The following ZMYM4 variants were observed in gnomAD, a reference collection of about 807,000 sequenced individuals.
ZMYM4 encodes the protein zinc finger MYM-type protein 4.
Under a neutral mutation model 183.2 loss-of-function variants are expected in ZMYM4, and 31 were observed. The ratio of observed to expected loss-of-function variants is 0.17; its 90% CI spans 0.13 to 0.23. ZMYM4 has a LOEUF of 0.23. Ranked by LOEUF, ZMYM4 falls within the 10% of genes least tolerant of loss-of-function variation. The pLI, the probability that ZMYM4 is intolerant of heterozygous loss-of-function variation, is 1.00. For synonymous variants in ZMYM4, 592 were observed against 631.2 expected (o/e 0.94, Z 0.93); for missense variants, 1,273 against 1,840.3 (o/e 0.69, Z 5.64).
At chr1:35,275,737 T>G (rs1403106029) in intron 1 of ZMYM4, among the ~76,000 whole-genome samples, 1 of 152,190 alleles carries the variant, frequency 6.6e-6, no homozygotes, top group Non-Finnish European at 1.5e-5. Flanking sequence ...ATTGTATAAA[T>G]GTACTGTATT....
rs755582739 is a variant in ZMYM4 at position 35,387,274 on chromosome 1, A to G, written c.2108A>G (p.Tyr703Cys). ...GCCACAAAACCAGAACTTCTTGACTATAAGGTAAAGTATAGCATGTTCATG... is the reference window on the plus strand; with the variant it reads ...GCCACAAAACCAGAACTTCTTGACTGTAAGGTAAAGTATAGCATGTTCATG... ...LFATKPELLD[Y>C]KGKMFQFCGK... The change falls in exon 12 of 30, where the codon TAT becomes TGT. Residue 703 changes from tyrosine (Y) to cysteine (C), a missense_variant. Transcript: ENST00000314607. 1.9e-6 allele frequency: 3 copies of G among 1,613,876 alleles called. No individual in the cohort carries two copies. Among genetic ancestry groups the G allele is most frequent in the South Asian group, 2.2e-5 (2 of 91,054 alleles).
chr1:35,372,677 A>G (rs1218302652), intron 7 of ZMYM4, among the ~76,000 whole-genome samples: 1 of 152,036 alleles, frequency 6.6e-6, no homozygotes, highest in African/African-American at 2.4e-5. Flanking sequence ...CAGATTTTGG[A>G]TTTTTAAAAA....
At position 35,356,238 on chromosome 1, in the gene ZMYM4, A is replaced by C. The variant is rs555649036; in HGVS notation, c.86-2687A>C. Reference sequence around the variant, plus strand: ...AAATGAACCAACTAACTAAATAAATAAGTAAATGTAGTGATATGGAAAGTT... The same window carrying C: ...AAATGAACCAACTAACTAAATAAATCAGTAAATGTAGTGATATGGAAAGTT... On this transcript the variant is annotated intron_variant, in intron 2 of 29. Transcript: ENST00000314607. Among the ~76,000 whole-genome samples, 176 of 152,296 alleles carry C rather than the reference A, an allele frequency of 1.2e-3. 1 individual carries two copies. Among genetic ancestry groups the C allele is most frequent in the African/African-American group, 4.1e-3 (170 of 41,560 alleles).
chr1:35,338,797 A>T (rs946370395), intron 2 of ZMYM4, among the ~76,000 whole-genome samples: 8 of 152,196 alleles, frequency 5.3e-5, no homozygotes, highest in Admixed American at 5.2e-4. Flanking sequence ...TCTATTACCC[A>T]CTTGCTATTA....
intron 1 of ZMYM4, among the ~76,000 whole-genome samples, chr1:35,278,525 A>C (rs1639986126): frequency 6.6e-6 from 1 of 151,360 alleles, no homozygotes; most frequent in Non-Finnish European, 1.5e-5. Flanking sequence ...TCCTGGGTTC[A>C]AGCCATTTTC....
intron 5 of ZMYM4, 49 bp from the exon 6 acceptor site, chr1:35,369,980 G>A (rs753959516): frequency 5.2e-6 from 7 of 1,356,514 alleles, no homozygotes; most frequent in Non-Finnish European, 7.2e-6. Flanking sequence ...ATGTCTTTAG[G>A]TATTTATTCT....
intron 2 of ZMYM4, among the ~76,000 whole-genome samples, chr1:35,332,946 AT>A (rs1642817790): frequency 6.6e-6 from 1 of 152,074 alleles, no homozygotes; most frequent in African/African-American, 2.4e-5. Flanking sequence ...TTCAAAAGTT[AT>A]TTGGCATCCC....
chr1:35,385,922 G>A, intron 10 of ZMYM4, 152 bp from the exon 11 acceptor site: 1 of 543,850 alleles, frequency 1.8e-6, no homozygotes, highest in Non-Finnish European at 3.1e-6. Flanking sequence ...TATTATGTTA[G>A]TTTTTGTCTA....
chr1:35,283,932 C>T (rs1345744471), intron 1 of ZMYM4, among the ~76,000 whole-genome samples: 1 of 151,612 alleles, frequency 6.6e-6, no homozygotes, highest in African/African-American at 2.4e-5. Flanking sequence ...TCTTTTCACC[C>T]TCACGATAGT....
At chr1:35,392,529 T>C in intron 16 of ZMYM4, 118 bp from the exon 17 acceptor site, 1 of 1,296,278 alleles carries the variant, frequency 7.7e-7, no homozygotes, top group South Asian at 1.3e-5. Context: ...TTCCGTTGAA[T>C]TAAAAAAACA....
rs189351345 is a variant in ZMYM4 at position 35,277,376 on chromosome 1, G to A, written c.39+8291G>A. Among the ~76,000 whole-genome samples the A allele has an allele frequency of 2.0e-3, 301 of 152,212 alleles. 3 individuals carry two copies. Among genetic ancestry groups the A allele is most frequent in the African/African-American group, 6.7e-3 (279 of 41,540 alleles). Reference sequence around the variant, plus strand: ...ATCAGACAATTTTGAGAATGAAAGGGGGTGCTATAATGATTACACAGAAGG... The same window carrying A: ...ATCAGACAATTTTGAGAATGAAAGGAGGTGCTATAATGATTACACAGAAGG... On this transcript the variant is annotated intron_variant, in intron 1 of 29. Coordinates refer to ENST00000314607, the MANE Select transcript of ZMYM4 (RefSeq NM_005095.3).
intron 2 of ZMYM4, among the ~76,000 whole-genome samples, chr1:35,353,427 T>C (rs1558061764): frequency 6.6e-6 from 1 of 152,228 alleles, no homozygotes; most frequent in Non-Finnish European, 1.5e-5. Context: ...CTTACATACA[T>C]TGCAGTTTTT....
intron 2 of ZMYM4, among the ~76,000 whole-genome samples, chr1:35,355,523 T>C (rs1013888208): frequency 2.6e-5 from 4 of 152,192 alleles, no homozygotes; most frequent in Admixed American, 2.6e-4. Context: ...GTATCTTTAC[T>C]GAACTATAGG....
intron 26 of ZMYM4, among the ~76,000 whole-genome samples, chr1:35,412,322 CTA>C (rs1307686208): frequency 6.6e-6 from 1 of 152,016 alleles, no homozygotes; most frequent in African/African-American, 2.4e-5. Flanking sequence ...CTAAGATTTT[CTA>C]TATATAGGAT....
At chr1:35,370,760 A>G (rs1454928827) in intron 7 of ZMYM4, 133 bp downstream of exon 7, 2 of 949,376 alleles carry the variant, frequency 2.1e-6, no homozygotes, top group African/African-American at 5.4e-5. Context: ...GAGAAATACC[A>G]CATTATTTTC....
chr1:35,364,665 A>G (rs969472539), intron 5 of ZMYM4, among the ~76,000 whole-genome samples: 7 of 152,216 alleles, frequency 4.6e-5, no homozygotes, highest in Non-Finnish European at 7.4e-5. Context: ...GTCAGTGTTT[A>G]CTTTTGACCA....
intron 19 of ZMYM4, chr1:35,397,011 A>C: frequency 1.1e-6 from 1 of 902,600 alleles, no homozygotes; most frequent in African/African-American, 1.8e-5. Flanking sequence ...TTTTTGATTA[A>C]AGAAAAATGT....
At chr1:35,301,562 A>G (rs185682108) in intron 1 of ZMYM4, among the ~76,000 whole-genome samples, 19 of 150,880 alleles carry the variant, frequency 1.3e-4, no homozygotes, top group East Asian at 5.8e-4. Flanking sequence ...AAAAAAAAAA[A>G]GTCTTGTCTT....
At position 35,370,574 on chromosome 1, in the gene ZMYM4, A is replaced by T. The variant is rs1181161072; in HGVS notation, c.1128A>T (p.Pro376=). 9 of 1,612,696 alleles carry T rather than the reference A, an allele frequency of 5.6e-6. No individual in the cohort carries two copies. The highest frequency in any genetic ancestry group is 6.8e-6 in the Non-Finnish European group (8 of 1,179,302). The change falls in exon 7 of 30, where the codon CCA becomes CCT. Residue 376 remains proline, a synonymous_variant. Coordinates refer to ENST00000314607, the MANE Select transcript of ZMYM4 (RefSeq NM_005095.3). ...TGTGCCTCACTGGATATACAGTTCC[A>T]CCTGCCCGCCCACCGCCTCCTCTCA... ...STLCLTGYTV[P]PARPPPPLTK...
Sources: gnomAD v4.1 joint callset for allele counts (sites outside exome capture counted in the v4.1 genomes callset) on GRCh38, gnomAD v4.1.1 for gene constraint, MANE v1.5 for transcripts, NCBI Gene and HGNC (gene_info 2026-07-23, HGNC 2026-07-21) for gene names.